Variants in SNAP47 observed in about 807,000 individuals in gnomAD.
The protein encoded by SNAP47 is synaptosome associated protein 47, also known as synaptosomal-associated protein 47.
A neutral mutation model predicts 31.4 loss-of-function variants in SNAP47; 20 were observed. The ratio of observed to expected loss-of-function variants is 0.64; its 90% CI spans 0.45 to 0.93. The LOEUF (loss-of-function observed/expected upper bound fraction) is 0.93, where lower values mean the gene tolerates loss of function less well. Among genes scored for constraint, SNAP47 ranks in the 40% least tolerant of loss-of-function variants. SNAP47 has a pLI of 0.00. For missense variants in SNAP47, 492 were observed against 528.5 expected (o/e 0.93, Z 0.68); for synonymous variants, 194 against 213.4 (o/e 0.91, Z 0.79).
chr1:227,734,794 T>G, upstream of SNAP47: 1 of 1,614,024 alleles, frequency 6.2e-7, no homozygotes, highest in Non-Finnish European at 8.5e-7. Flanking sequence ...CCCCACAGTT[T>G]GCAACTGGTA....
chr1:227,775,088 C>T (rs976937477), intron 4 of SNAP47, among the ~76,000 whole-genome samples: 1 of 152,210 alleles, frequency 6.6e-6, no homozygotes, highest in African/African-American at 2.4e-5. Flanking sequence ...TGCATCTGCC[C>T]CCCCGGCTAG....
chr1:227,745,784 C>A lies in SNAP47; in HGVS notation c.-45-1908C>A, dbSNP rs773822466. The A allele has an allele frequency of 4.6e-5, 7 of 152,244 alleles. 1 individual carries two copies. Among genetic ancestry groups the A allele is most frequent in the Admixed American group, 4.6e-4 (7 of 15,286 alleles). The allele number at this position is 152,244 out of a possible 1,614,324, so 9.4% of individuals were successfully genotyped here. ...AGACAAGCCTGCTTACCTCTGCCCC[C>A]AGAGGAGACGGCATCCTTAGTACCC... is the stretch of plus-strand genomic sequence containing the variant. On this transcript the variant is annotated intron_variant, in intron 1 of 4. Transcript: ENST00000617596.
chr1:227,743,440 G>A (rs951759426), intron 1 of SNAP47, among the ~76,000 whole-genome samples: 17 of 152,322 alleles, frequency 1.1e-4, no homozygotes, highest in South Asian at 4.1e-4. Context: ...GGCCTCCCAT[G>A]GGCTCCAGCC....
At chr1:227,777,973 C>G (rs904283994) in intron 4 of SNAP47, among the ~76,000 whole-genome samples, 10 of 152,228 alleles carry the variant, frequency 6.6e-5, no homozygotes, top group Non-Finnish European at 1.3e-4. Context: ...GTTCTTAGAA[C>G]AATGTCAGCT....
chr1:227,736,561 C>T (rs529359917), intron 1 of SNAP47: 9 of 125,388 alleles, frequency 7.2e-5, no homozygotes, highest in African/African-American at 2.7e-4. Context: ...GTGGCACCAT[C>T]ACAGCTTACT....
chr1:227,750,086 G>A (rs1046656782), intron 2 of SNAP47, among the ~76,000 whole-genome samples: 1 of 152,232 alleles, frequency 6.6e-6, no homozygotes, highest in South Asian at 2.1e-4. Context: ...TTGCATGCAG[G>A]TTAGTTGGAC....
intron 2 of SNAP47, among the ~76,000 whole-genome samples, chr1:227,750,106 A>AT (rs2102925524): frequency 6.6e-6 from 1 of 152,356 alleles, no homozygotes; most frequent in East Asian, 1.9e-4. Context: ...CTGAGGTCAC[A>AT]TCTTGTACTT....
intron 4 of SNAP47, chr1:227,776,561 C>G (rs1664171399): frequency 1.0e-6 from 1 of 985,514 alleles, no homozygotes; most frequent in Non-Finnish European, 1.2e-6. Flanking sequence ...CTTGTCACCC[C>G]AGGCCGCAGA....
At chr1:227,733,090 T>A (rs1404163253), upstream of SNAP47, 3 of 1,567,184 alleles carry the variant, frequency 1.9e-6, no homozygotes, top group East Asian at 6.8e-5. Flanking sequence ...CCAACCCACA[T>A]CTCCTGCGCC....
At chr1:227,735,242 C>T (rs960902177), upstream of SNAP47, 3 of 1,600,860 alleles carry the variant, frequency 1.9e-6, no homozygotes, top group African/African-American at 1.3e-5. Context: ...TCGGAAGTGG[C>T]TGTCGGCGAG....
chr1:227,735,317 G>A, upstream of SNAP47: 1 of 1,602,308 alleles, frequency 6.2e-7, no homozygotes. Context: ...CACTTCCGCC[G>A]GAGCGGAAAC....
intron 4 of SNAP47, among the ~76,000 whole-genome samples, chr1:227,778,493 C>T (rs540839596): frequency 5.9e-5 from 9 of 152,300 alleles, no homozygotes; most frequent in Admixed American, 1.3e-4. Flanking sequence ...AGATCCCGAG[C>T]GGATCCATGT....
chr1:227,743,969 G>A (rs1429900090), intron 1 of SNAP47: 3 of 152,186 alleles, frequency 2.0e-5, no homozygotes, highest in African/African-American at 7.2e-5. Flanking sequence ...AGTACCTGTG[G>A]TTTGGTCCCA....
At chr1:227,735,046 C>T (rs957384866), upstream of SNAP47, 2 of 1,555,278 alleles carry the variant, frequency 1.3e-6, no homozygotes, top group Admixed American at 1.9e-5. Flanking sequence ...AGTCGGGCCT[C>T]CCCGCGGGCG....
At chr1:227,780,332 T>C (rs9786978) in intron 4 of SNAP47, among the ~76,000 whole-genome samples, 195 bp from the exon 5 acceptor site, 103,371 of 152,190 alleles carry the variant, frequency 0.68, 36,704 homozygotes, top group African/African-American at 0.9. Flanking sequence ...CCTCATCTCA[T>C]CAGGCCTGTA....
At chr1:227,769,698 CTG>C (rs1407910656) in intron 4 of SNAP47, among the ~76,000 whole-genome samples, 2 of 152,106 alleles carry the variant, frequency 1.3e-5, no homozygotes, top group African/African-American at 4.8e-5. Flanking sequence ...CACTGTGTCA[CTG>C]TGGTTGTGGA....
rs1454896848 is a variant in SNAP47 at position 227,763,539 on chromosome 1, C to T, written c.989-3420C>T. Reference sequence around the variant, plus strand: ...GGCGTCTTTTGAGGCAGGGAAGTTCCCACTGGAGCTGAAGCACCCAGGAGC... The same window carrying T: ...GGCGTCTTTTGAGGCAGGGAAGTTCTCACTGGAGCTGAAGCACCCAGGAGC... On this transcript the variant is annotated intron_variant, in intron 3 of 4. Coordinates refer to ENST00000617596, the MANE Select transcript of SNAP47 (RefSeq NM_053052.4). This position sits in a 1 kb window ranked among gnomAD's most constrained non-coding sequence, Gnocchi z 4.2. 6.6e-6 allele frequency among the ~76,000 whole-genome samples: 1 copy of T among 152,168 alleles called. No individual in the cohort carries two copies. Among genetic ancestry groups the T allele is most frequent in the Non-Finnish European group, 1.5e-5 (1 of 68,028 alleles).
At chr1:227,750,017 G>A (rs536243964) in intron 2 of SNAP47, among the ~76,000 whole-genome samples, 5 of 152,344 alleles carry the variant, frequency 3.3e-5, no homozygotes, top group Non-Finnish European at 5.9e-5. Context: ...CTGGAATCCC[G>A]CCTTGGCATT....
intron 3 of SNAP47, among the ~76,000 whole-genome samples, chr1:227,765,693 A>G (rs1663348196): frequency 6.6e-6 from 1 of 152,170 alleles, no homozygotes; most frequent in Non-Finnish European, 1.5e-5. Flanking sequence ...GCTATCTGTG[A>G]AGGGAGCCCC....
Sources: allele counts gnomAD v4.1 joint callset (sites outside exome capture counted in the v4.1 genomes callset), GRCh38; gene constraint gnomAD v4.1.1; non-coding constraint Gnocchi (gnomAD v3.1); transcripts MANE v1.5; gene names NCBI Gene and HGNC (gene_info 2026-07-23, HGNC 2026-07-21).